CSMD1: variants seen among roughly 807,000 people sequenced by gnomAD.
CSMD1 encodes CUB and Sushi multiple domains 1.
In CSMD1, 213 loss-of-function variants were observed where a neutral mutation model predicts 417.5. The ratio of observed to expected loss-of-function variants is 0.51; its 90% CI spans 0.46 to 0.57. CSMD1 has a LOEUF of 0.57. Among genes scored for constraint, CSMD1 ranks in the 20% least tolerant of loss-of-function variants. The probability of loss-of-function intolerance (pLI) is 0.00; values close to 1 mark genes in which losing one functional copy is unlikely to be tolerated. For missense variants in CSMD1, 6,923 were observed against 4,529.7 expected (o/e 1.53, Z -15.17); for synonymous variants, 2,862 against 1,736.8 (o/e 1.65, Z -16.11).
chr8:3,427,163 C>G (rs986095643), intron 12 of CSMD1, among the ~76,000 whole-genome samples: 1 of 152,142 alleles, frequency 6.6e-6, no homozygotes, highest in East Asian at 1.9e-4. Flanking sequence ...GACTAAAAAT[C>G]AAGATGAGAT....
intron 1 of CSMD1, among the ~76,000 whole-genome samples, chr8:4,851,783 G>T (rs1585211895): frequency 6.6e-6 from 1 of 152,206 alleles, no homozygotes; most frequent in African/African-American, 2.4e-5. Context: ...GTACTTTTAA[G>T]TCACCCTCCC....
chr8:4,047,590 G>A (rs1585202273), intron 3 of CSMD1, among the ~76,000 whole-genome samples: 1 of 152,034 alleles, frequency 6.6e-6, no homozygotes, highest in South Asian at 2.1e-4. Context: ...TTTACTGAAT[G>A]CGTATTATGT....
intron 26 of CSMD1, among the ~76,000 whole-genome samples, chr8:3,242,578 G>C (rs1324183775): frequency 6.6e-6 from 1 of 152,068 alleles, no homozygotes; most frequent in Non-Finnish European, 1.5e-5. Flanking sequence ...TTTGTACTGG[G>C]GTCAAGCGGC....
chr8:3,312,523 C>A (rs1805429320), intron 23 of CSMD1, among the ~76,000 whole-genome samples: 1 of 152,176 alleles, frequency 6.6e-6, no homozygotes, highest in South Asian at 2.1e-4. Flanking sequence ...TTTCAGTAGA[C>A]TGAAGAGAGC....
intron 3 of CSMD1, among the ~76,000 whole-genome samples, chr8:4,372,993 G>A (rs1802490411): frequency 6.6e-6 from 1 of 152,288 alleles, no homozygotes; most frequent in African/African-American, 2.4e-5. Context: ...ACTTCACACT[G>A]GACAGCCCTC....
At chr8:3,406,271 T>C (rs532333540) in intron 14 of CSMD1, 50 bp from the exon 15 acceptor site, 10 of 1,416,626 alleles carry the variant, frequency 7.1e-6, no homozygotes, top group South Asian at 1.4e-5. Flanking sequence ...TGAGTATTAA[T>C]TACATGTATT....
In CSMD1 at chr8:3,409,577, A is replaced by G. The variant is rs774869996; in HGVS notation, c.1590T>C (p.Pro530=). 1 of 1,606,728 alleles carries G rather than the reference A, an allele frequency of 6.2e-7. No homozygotes were observed. Among genetic ancestry groups the G allele is most frequent in the Non-Finnish European group, 8.5e-7 (1 of 1,176,158 alleles). ...QEIEKGGCGD[P]GIPAYGKRTG... ...TCCGCTTCCCATAGGCGGGGATTCC[A>G]GGATCCCCACACCCTCCCTTTTCAA... Residue 530 remains proline (P), a synonymous_variant, in exon 13 of 70, where the codon CCT becomes CCC. Transcript: ENST00000635120.
chr8:3,773,414 G>C (rs1798723876), intron 5 of CSMD1, among the ~76,000 whole-genome samples: 1 of 152,124 alleles, frequency 6.6e-6, no homozygotes, highest in Non-Finnish European at 1.5e-5. Context: ...AGCCTCCAGA[G>C]TAGCTGGGAC....
intron 7 of CSMD1, among the ~76,000 whole-genome samples, chr8:3,675,107 C>T (rs1799304376): frequency 6.6e-6 from 1 of 152,178 alleles, no homozygotes; most frequent in Non-Finnish European, 1.5e-5. Context: ...TGAAGAGATG[C>T]AGTGGCCTCC....
chr8:3,916,401 C>G (rs1213394938), intron 5 of CSMD1, among the ~76,000 whole-genome samples: 2 of 152,144 alleles, frequency 1.3e-5, no homozygotes, highest in African/African-American at 4.8e-5. Flanking sequence ...AAATAACTCT[C>G]AATTTCTAAA....
At chr8:3,438,172 A>T (rs1814698781) in intron 12 of CSMD1, among the ~76,000 whole-genome samples, 1 of 152,174 alleles carries the variant, frequency 6.6e-6, no homozygotes, top group African/African-American at 2.4e-5. Flanking sequence ...ATTTTTAACA[A>T]ATTTTTGAAT....
intron 1 of CSMD1, among the ~76,000 whole-genome samples, chr8:4,762,628 A>G (rs1429413399): frequency 6.6e-6 from 1 of 152,126 alleles, no homozygotes; most frequent in African/African-American, 2.4e-5. Context: ...CCGCATTTGC[A>G]TAGGACGCAG....
chr8:3,527,329 G>C (rs764992256), intron 10 of CSMD1, among the ~76,000 whole-genome samples: 1 of 152,072 alleles, frequency 6.6e-6, no homozygotes, highest in Admixed American at 6.5e-5. Context: ...AAAGGCACTC[G>C]TGCCCTTTCA....
intron 12 of CSMD1, among the ~76,000 whole-genome samples, chr8:3,419,132 G>T (rs1371058284): frequency 1.3e-5 from 2 of 152,180 alleles, no homozygotes; most frequent in Non-Finnish European, 2.9e-5. Flanking sequence ...AATGACGCAA[G>T]CTGCGCTGTT....
At chr8:4,142,505 G>C (rs1326338632) in intron 3 of CSMD1, among the ~76,000 whole-genome samples, 1 of 151,190 alleles carries the variant, frequency 6.6e-6, no homozygotes, top group Non-Finnish European at 1.5e-5. Context: ...CGTGAAAAAG[G>C]AGCTGTTCTA....
At chr8:4,317,357 G>A (rs1295261707) in intron 3 of CSMD1, among the ~76,000 whole-genome samples, 1 of 152,192 alleles carries the variant, frequency 6.6e-6, no homozygotes, top group African/African-American at 2.4e-5. Flanking sequence ...CCACGTCTGT[G>A]TTATAAGCTG....
intron 3 of CSMD1, among the ~76,000 whole-genome samples, chr8:4,321,521 G>A (rs1248355874): frequency 6.6e-6 from 1 of 152,042 alleles, no homozygotes; most frequent in African/African-American, 2.4e-5. Flanking sequence ...GATGTGTTAA[G>A]GATTAAAGGG....
chr8:4,188,198 G>A (rs1018107951), intron 3 of CSMD1, among the ~76,000 whole-genome samples: 2 of 152,182 alleles, frequency 1.3e-5, no homozygotes, highest in African/African-American at 2.4e-5. Flanking sequence ...TTGGCAGGAA[G>A]GGACAATTTT....
intron 7 of CSMD1, among the ~76,000 whole-genome samples, chr8:3,675,505 G>A (rs565858122): frequency 2.0e-5 from 3 of 152,168 alleles, no homozygotes; most frequent in African/African-American, 7.2e-5. Context: ...AAATTCATAT[G>A]TTGAAGCCCC....
Sources: gnomAD v4.1 joint callset for allele counts (sites outside exome capture counted in the v4.1 genomes callset) on GRCh38, gnomAD v4.1.1 for gene constraint, MANE v1.5 for transcripts, NCBI Gene and HGNC (gene_info 2026-07-23, HGNC 2026-07-21) for gene names.